Variants in SPATA18 observed in about 807,000 individuals in gnomAD.
SPATA18 encodes mitochondria-eating protein.
In SPATA18, 54 loss-of-function variants were observed where a neutral mutation model predicts 68.1. The observed-to-expected ratio is 0.79, with a 90% CI of 0.64 to 0.99. SPATA18 has a LOEUF of 0.99. SPATA18 is among the 50% of genes least tolerant of loss of function. The pLI is 0.00. For missense variants in SPATA18, 724 were observed against 681.1 expected (o/e 1.06, Z -0.70); for synonymous variants, 242 against 244.8 (o/e 0.99, Z 0.11).
intron 5 of SPATA18, among the ~76,000 whole-genome samples, chr4:52,070,520 T>A (rs1039579379): frequency 7.4e-6 from 1 of 135,768 alleles, no homozygotes; most frequent in African/African-American, 2.8e-5. Flanking sequence ...AACATCACAC[T>A]CTGGGGACTG....
At position 52,069,866 on chromosome 4, in the gene SPATA18, G is replaced by A. The variant is rs1195113231; in HGVS notation, c.468G>A (p.Ser156=). 1.2e-5 allele frequency: 19 copies of A among 1,597,478 alleles called. No individual in the cohort carries two copies. Among genetic ancestry groups the A allele is most frequent in the Admixed American group, 5.0e-5 (3 of 59,548 alleles). Residue 156 remains serine (S), a synonymous_variant, in exon 5 of 13, where the codon TCG becomes TCA. Coordinates refer to ENST00000295213, the MANE Select transcript of SPATA18 (RefSeq NM_145263.4). ...EKNLEESKNR[S]AISLLAAEEE... is the part of the protein sequence containing the mutation. The stretch of plus-strand genomic sequence containing the variant: ...ATCTTGAAGAAAGCAAGAACAGATC[G>A]GCCATATCCCTTTTGGCTGCAGAGG...
In SPATA18 at chr4:52,051,511, A is replaced by C; in HGVS notation, c.-194A>C. 3.3e-6 allele frequency: 2 copies of C among 597,488 alleles called. No individual in the cohort carries two copies. Among genetic ancestry groups the C allele is most frequent in the Non-Finnish European group, 5.9e-6 (2 of 337,962 alleles). 37.0% of individuals were successfully genotyped at this position (597,488 alleles called of 1,614,324 possible). A position where few individuals can be genotyped will look rare whatever the true frequency, so the allele number is the denominator to read the frequency against. ...GGATGAGGCGCGGCGGCTGCGGCCC[A>C]GGGCACCTCCCCTCTGGCTTCCCGA... On this transcript the variant is annotated 5_prime_UTR_variant, in exon 1 of 13. Transcript: ENST00000295213.
Position 52,051,668 on chromosome 4 carries a change from C to T in SPATA18, c.-37C>T. ...GCCACCGCCTGGTCCCCCCAAGTCTCCATCGCGCAGCGTGGGGCCGAGAGG... is the reference window on the plus strand; with the variant it reads ...GCCACCGCCTGGTCCCCCCAAGTCTTCATCGCGCAGCGTGGGGCCGAGAGG... On this transcript the variant is annotated 5_prime_UTR_variant, in exon 1 of 13. Coordinates refer to ENST00000295213, the MANE Select transcript of SPATA18 (RefSeq NM_145263.4). 1.2e-6 allele frequency: 2 copies of T among 1,605,930 alleles called. No individual in the cohort carries two copies. The highest frequency in any genetic ancestry group is 1.7e-6 in the Non-Finnish European group (2 of 1,172,526).
chr4:52,078,894 G>A lies in SPATA18; in HGVS notation c.1179+1G>A, dbSNP rs771041726. On this transcript the variant is annotated splice_donor_variant, in intron 8 of 12. Coordinates refer to ENST00000295213, the MANE Select transcript of SPATA18 (RefSeq NM_145263.4). LOFTEE classifies it high-confidence loss of function. ...ATATGATTCTCAAAGCAGTGTCAATGTAAGTGTTGAGTCTTTTATTAGGAC... is the reference window on the plus strand; with the variant it reads ...ATATGATTCTCAAAGCAGTGTCAATATAAGTGTTGAGTCTTTTATTAGGAC... 5 of 1,573,648 alleles carry A rather than the reference G, an allele frequency of 3.2e-6. No homozygotes were observed. Among genetic ancestry groups the A allele is most frequent in the Non-Finnish European group, 4.4e-6 (5 of 1,149,148 alleles).
At chr4:52,061,349 C>T (rs530278588) in intron 3 of SPATA18, among the ~76,000 whole-genome samples, 2 of 151,876 alleles carry the variant, frequency 1.3e-5, no homozygotes, top group South Asian at 2.1e-4. Flanking sequence ...GGAGAGAGAG[C>T]GTTAGGACAA....
chr4:52,065,028 T>C (rs1300649495), intron 4 of SPATA18, among the ~76,000 whole-genome samples: 3 of 152,244 alleles, frequency 2.0e-5, no homozygotes, highest in Non-Finnish European at 4.4e-5. Context: ...TAATTAGTGA[T>C]GCTGAGCATT....
At chr4:52,063,691 A>C (rs1340599556) in intron 4 of SPATA18, among the ~76,000 whole-genome samples, 3 of 152,038 alleles carry the variant, frequency 2.0e-5, no homozygotes, top group Non-Finnish European at 4.4e-5. Context: ...CCTTCCCCTC[A>C]TCCTTTCTAG....
At chr4:52,053,646 T>C (rs1039660241) in intron 1 of SPATA18, among the ~76,000 whole-genome samples, 1 of 152,162 alleles carries the variant, frequency 6.6e-6, no homozygotes. Context: ...GCCTCTCCCA[T>C]GCCCCAACCA....
Position 52,079,857 on chromosome 4 carries a change from G to A in SPATA18, c.1293G>A (p.Gln431=), listed in dbSNP as rs79854970. 2.3e-3 allele frequency: 3,672 copies of A among 1,614,032 alleles called. 68 individuals are homozygous for A. In the East Asian group the frequency reaches 0.055, roughly 24 times the overall value. ...TATGTTGCATTGCCTTTGCAATGCAGGCCTTAGAACCACCCCTAGATATTG... is the reference window on the plus strand; with the variant it reads ...TATGTTGCATTGCCTTTGCAATGCAAGCCTTAGAACCACCCCTAGATATTG... ...QEICCIAFAM[Q]ALEPPLDIAY... is the part of the protein sequence containing the mutation. Residue 431 remains glutamine, a synonymous_variant, in exon 9 of 13, where the codon CAG becomes CAA. Transcript: ENST00000295213.
chr4:52,079,829 A>G lies in SPATA18; in HGVS notation c.1265A>G (p.Glu422Gly), dbSNP rs761391444. The stretch of plus-strand genomic sequence containing the variant: ...TGCCTTCTCAGTGACTTCATCCAGG[A>G]GATATGTTGCATTGCCTTTGCAATG... ...DFCLLSDFIQ[E>G]ICCIAFAMQA... The change falls in exon 9 of 13, where the codon GAG (glutamate) becomes GGG (glycine). Residue 422 changes from glutamate (E) to glycine (G), a missense_variant. Coordinates refer to ENST00000295213, the MANE Select transcript of SPATA18 (RefSeq NM_145263.4). 2 of 1,614,002 alleles carry G rather than the reference A, an allele frequency of 1.2e-6. No individual in the cohort carries two copies. Among genetic ancestry groups the G allele is most frequent in the South Asian group, 2.2e-5 (2 of 91,072 alleles).
chr4:52,064,135 T>C (rs1739122101), intron 4 of SPATA18, among the ~76,000 whole-genome samples: 1 of 151,998 alleles, frequency 6.6e-6, no homozygotes, highest in Non-Finnish European at 1.5e-5. Context: ...TGCCCTTTCA[T>C]ATGCCTTTTG....
intron 4 of SPATA18, among the ~76,000 whole-genome samples, chr4:52,066,566 C>T (rs529482178): frequency 1.1e-4 from 16 of 152,126 alleles, no homozygotes; most frequent in Non-Finnish European, 2.1e-4. Context: ...TATAGGTAAA[C>T]GTGTACCATG....
intron 11 of SPATA18, among the ~76,000 whole-genome samples, chr4:52,088,394 T>A (rs1040623942): frequency 6.6e-6 from 1 of 152,244 alleles, no homozygotes; most frequent in Non-Finnish European, 1.5e-5. Flanking sequence ...TCAGCAAGTA[T>A]GATATTGGCT....
At chr4:52,069,597 T>A (rs1364932514) in intron 4 of SPATA18, among the ~76,000 whole-genome samples, 1 of 152,210 alleles carries the variant, frequency 6.6e-6, no homozygotes, top group African/African-American at 2.4e-5. Flanking sequence ...AGCTCTATAA[T>A]TTCCTAGTGT....
chr4:52,097,007 C>A lies in SPATA18; in HGVS notation c.*2120C>A, dbSNP rs1467228178. The A allele has an allele frequency of 6.6e-6, 1 of 152,086 alleles. No individual in the cohort carries two copies. The highest frequency in any genetic ancestry group is 1.5e-5 in the Non-Finnish European group (1 of 68,024). The allele number at this position is 152,086 out of a possible 1,614,324, so 9.4% of individuals were successfully genotyped here. A position where few individuals can be genotyped will look rare whatever the true frequency, so the allele number is the denominator to read the frequency against. On this transcript the variant is annotated 3_prime_UTR_variant, in exon 13 of 13. Coordinates refer to ENST00000295213, the MANE Select transcript of SPATA18 (RefSeq NM_145263.4). ...TTTATTTGCTTTCTACCCTGCCTGGCCACTTGCTGTTTCTTCAGTTTCTAA... is the reference window on the plus strand; with the variant it reads ...TTTATTTGCTTTCTACCCTGCCTGGACACTTGCTGTTTCTTCAGTTTCTAA...
At chr4:52,077,108 G>A (rs1177210211) in intron 7 of SPATA18, 68 bp downstream of exon 7, 1 of 1,488,946 alleles carries the variant, frequency 6.7e-7, no homozygotes, top group Non-Finnish European at 9.0e-7. Context: ...AACGTGAATG[G>A]AACAACTTAC....
At chr4:52,077,126 A>G in intron 7 of SPATA18, 86 bp downstream of exon 7, 3 of 1,434,776 alleles carry the variant, frequency 2.1e-6, no homozygotes, top group Non-Finnish European at 2.8e-6. Context: ...TACAAAGACT[A>G]GTGGATCCTG....
chr4:52,074,873 A>G (rs2109470801), intron 6 of SPATA18, among the ~76,000 whole-genome samples: 1 of 152,298 alleles, frequency 6.6e-6, no homozygotes, highest in South Asian at 2.1e-4. Flanking sequence ...GTGTGATAAG[A>G]AGACTTGCTC....
intron 1 of SPATA18, among the ~76,000 whole-genome samples, chr4:52,054,926 A>C (rs1738210209): frequency 6.6e-6 from 1 of 151,926 alleles, no homozygotes; most frequent in Non-Finnish European, 1.5e-5. Context: ...GTGTAGGGGT[A>C]TGTGACTTAA....
Sources: allele counts gnomAD v4.1 joint callset (sites outside exome capture counted in the v4.1 genomes callset), GRCh38; gene constraint gnomAD v4.1.1; transcripts MANE v1.5; gene names NCBI Gene and HGNC (gene_info 2026-07-23, HGNC 2026-07-21).